Variants in PDZRN3 observed in about 807,000 individuals in gnomAD.
PDZRN3 encodes the protein E3 ubiquitin-protein ligase PDZRN3.
PDZRN3 carries 38 observed loss-of-function variants against 85.7 expected under a neutral mutation model. The ratio of observed to expected loss-of-function variants is 0.44; its 90% CI spans 0.34 to 0.58. The LOEUF (loss-of-function observed/expected upper bound fraction) is 0.58. Ranked by LOEUF, PDZRN3 falls within the 20% of genes least tolerant of loss-of-function variation. The pLI, the probability that PDZRN3 is intolerant of heterozygous loss-of-function variation, is 0.01. For synonymous variants in PDZRN3, 759 were observed against 638.0 expected, an observed-to-expected ratio of 1.19 and a Z score of -2.86; for missense variants, 1,629 against 1,506.4, an observed-to-expected ratio of 1.08 and a Z score of -1.35.
chr3:73,396,985 A>T (rs1701650378), intron 5 of PDZRN3, among the ~76,000 whole-genome samples: 1 of 151,942 alleles, frequency 6.6e-6, no homozygotes, highest in Non-Finnish European at 1.5e-5. Flanking sequence ...CATTTTGTGT[A>T]CTTTAAAAGG....
chr3:73,462,048 C>T (rs1049527768), intron 3 of PDZRN3, among the ~76,000 whole-genome samples: 8 of 152,158 alleles, frequency 5.3e-5, no homozygotes, highest in African/African-American at 1.9e-4. Context: ...CACATTGATA[C>T]CATATATCAT....
chr3:73,553,920 C>T (rs73838562), intron 3 of PDZRN3, among the ~76,000 whole-genome samples: 277 of 152,254 alleles, frequency 1.8e-3, no homozygotes, highest in African/African-American at 6.1e-3. Context: ...AGAGCCACAA[C>T]GGGCATAAGG....
chr3:73,411,252 T>C (rs1005080979), intron 3 of PDZRN3, among the ~76,000 whole-genome samples: 1 of 152,236 alleles, frequency 6.6e-6, no homozygotes, highest in South Asian at 2.1e-4. Flanking sequence ...TCCTGCTGTC[T>C]CTGGTTTCTG....
chr3:73,461,408 T>C (rs77440783), intron 3 of PDZRN3, among the ~76,000 whole-genome samples: 48 of 152,316 alleles, frequency 3.2e-4, no homozygotes, highest in African/African-American at 1.2e-3. Context: ...AAGGAATCAT[T>C]TGGACATGTC....
intron 3 of PDZRN3, among the ~76,000 whole-genome samples, chr3:73,497,183 G>A (rs79111738): frequency 0.021 from 3,171 of 152,154 alleles, 82 homozygotes; most frequent in African/African-American, 0.069. Flanking sequence ...AGGAACATTT[G>A]CTTCCCTGTT....
At chr3:73,525,226 A>G (rs1704493939) in intron 3 of PDZRN3, among the ~76,000 whole-genome samples, 1 of 152,170 alleles carries the variant, frequency 6.6e-6, no homozygotes, top group African/African-American at 2.4e-5. Flanking sequence ...TTCAGCATTT[A>G]TAATAACTGC....
At position 73,545,908 on chromosome 3, in the gene PDZRN3, G is replaced by A. The variant is rs148779590; in HGVS notation, c.918+56446C>T. Among the ~76,000 whole-genome samples the A allele has an allele frequency of 4.1e-3, 627 of 152,130 alleles. 8 individuals carry two copies. Among genetic ancestry groups the A allele is most frequent in the African/African-American group, 0.013 (530 of 41,500 alleles). On this transcript the variant is annotated intron_variant, in intron 3 of 9. Transcript: ENST00000263666. ...TTGGTGGGAGGTGAGGGGGAGGATC[G>A]GAGGATCTTTTATTTTTTTAACAAA...
Position 73,383,189 on chromosome 3 carries a change from T to C in PDZRN3, c.*176A>G, listed in dbSNP as rs1703284866. Reference sequence around the variant, plus strand: ...TTCCAAGATAGTAAGGGTGTTTTTCTCTCTCTTCCCTTAAAATAGACCTAT... The same window carrying C: ...TTCCAAGATAGTAAGGGTGTTTTTCCCTCTCTTCCCTTAAAATAGACCTAT... On this transcript the variant is annotated 3_prime_UTR_variant, in exon 10 of 10. Coordinates refer to ENST00000263666, the MANE Select transcript of PDZRN3 (RefSeq NM_015009.3). The C allele has an allele frequency of 7.2e-6, 4 of 555,032 alleles. No individual in the cohort carries two copies. The highest frequency in any genetic ancestry group is 1.2e-5 in the Non-Finnish European group (4 of 322,532). 34.4% of individuals were successfully genotyped at this position (555,032 alleles called of 1,614,324 possible).
Position 73,384,649 on chromosome 3 carries a change from C to T in PDZRN3, c.1917G>A (p.Pro639=), listed in dbSNP as rs763622913. The part of the protein sequence containing the change: ...DCTDADYLGI[P]VDECERFREL... ...CGCGGAAGCGCTCGCACTCGTCCACCGGGATCCCCAGGTAGTCGGCGTCCG... is the reference window on the plus strand; with the variant it reads ...CGCGGAAGCGCTCGCACTCGTCCACTGGGATCCCCAGGTAGTCGGCGTCCG... The change falls in exon 10 of 10, where the codon CCG becomes CCA. Residue 639 remains proline, a synonymous_variant. Transcript: ENST00000263666. 6.2e-6 allele frequency: 10 copies of T among 1,613,814 alleles called. No homozygotes were observed. The highest frequency in any genetic ancestry group is 2.2e-5 in the East Asian group (1 of 44,860).
At chr3:73,412,893 G>A (rs1012964200) in intron 3 of PDZRN3, among the ~76,000 whole-genome samples, 4 of 152,206 alleles carry the variant, frequency 2.6e-5, no homozygotes, top group Non-Finnish European at 5.9e-5. Context: ...CACTGGGTGA[G>A]AGTGGGCATC....
chr3:73,451,010 A>C (rs1702847198), intron 3 of PDZRN3, among the ~76,000 whole-genome samples: 1 of 151,904 alleles, frequency 6.6e-6, no homozygotes, highest in Non-Finnish European at 1.5e-5. Flanking sequence ...GGGGAAACCT[A>C]CCGTCACCGC....
At chr3:73,553,269 T>G (rs1701606146) in intron 3 of PDZRN3, among the ~76,000 whole-genome samples, 1 of 152,054 alleles carries the variant, frequency 6.6e-6, no homozygotes, top group African/African-American at 2.4e-5. Context: ...TCCTCCTGAT[T>G]CTATGAGGTA....
intron 3 of PDZRN3, among the ~76,000 whole-genome samples, chr3:73,511,413 T>G (rs1704162476): frequency 6.6e-6 from 1 of 152,108 alleles, no homozygotes; most frequent in South Asian, 2.1e-4. Flanking sequence ...GGGCCCCCCG[T>G]CTGCATCCTC....
At chr3:73,388,225 G>T in intron 7 of PDZRN3, 156 bp from the exon 8 acceptor site, 1 of 533,222 alleles carries the variant, frequency 1.9e-6, no homozygotes, top group Middle Eastern at 4.8e-4. Flanking sequence ...ACTGATGTTA[G>T]GAAGGAAAGG....
At position 73,556,373 on chromosome 3, in the gene PDZRN3, C is replaced by T. The variant is rs554744319; in HGVS notation, c.918+45981G>A. Among the ~76,000 whole-genome samples the T allele has an allele frequency of 3.4e-4, 52 of 151,842 alleles. No individual in the cohort carries two copies. In the South Asian group the frequency reaches 0.01, roughly 30 times the overall value. Reference sequence around the variant, plus strand: ...ACAATAATACAAATAGTAATTTGTCCTTTTCCTGTTGGAAAACACACTGCT... The same window carrying T: ...ACAATAATACAAATAGTAATTTGTCTTTTTCCTGTTGGAAAACACACTGCT... On this transcript the variant is annotated intron_variant, in intron 3 of 9. Transcript: ENST00000263666.
chr3:73,538,040 T>C (rs542157858), intron 3 of PDZRN3, among the ~76,000 whole-genome samples: 23 of 152,218 alleles, frequency 1.5e-4, no homozygotes, highest in Non-Finnish European at 2.8e-4. Flanking sequence ...TGACTCTTTA[T>C]GCTTTGTCAC....
intron 3 of PDZRN3, among the ~76,000 whole-genome samples, chr3:73,423,126 G>A (rs1262441256): frequency 6.6e-6 from 1 of 152,110 alleles, no homozygotes; most frequent in Non-Finnish European, 1.5e-5. Context: ...GATTCTGAGG[G>A]GAAATAGCTG....
rs537276052 is a variant in PDZRN3 at position 73,580,072 on chromosome 3, T to C, written c.918+22282A>G. Among the ~76,000 whole-genome samples the C allele has an allele frequency of 2.7e-4, 41 of 152,288 alleles. No individual in the cohort carries two copies. The South Asian group carries it at 4.4e-3, about 16-fold the overall frequency. On this transcript the variant is annotated intron_variant, in intron 3 of 9. Coordinates refer to ENST00000263666, the MANE Select transcript of PDZRN3 (RefSeq NM_015009.3). ...CTCCATATTCTGTAAAGTGCTCCTATGGGTGTTGATTTATTCAGCTGAAAA... is the reference window on the plus strand; with the variant it reads ...CTCCATATTCTGTAAAGTGCTCCTACGGGTGTTGATTTATTCAGCTGAAAA...
chr3:73,495,166 T>G (rs916005005), intron 3 of PDZRN3, among the ~76,000 whole-genome samples: 3 of 152,192 alleles, frequency 2.0e-5, no homozygotes, highest in Non-Finnish European at 4.4e-5. Flanking sequence ...AACAATCACT[T>G]TACCCTGAAA....
Sources: gnomAD v4.1 joint callset for allele counts (sites outside exome capture counted in the v4.1 genomes callset) on GRCh38, gnomAD v4.1.1 for gene constraint, MANE v1.5 for transcripts, NCBI Gene and HGNC (gene_info 2026-07-23, HGNC 2026-07-21) for gene names.